Variants in FOCAD observed in about 807,000 individuals in gnomAD.
FOCAD encodes KIAA1797.
Under a neutral mutation model 225.6 loss-of-function variants are expected in FOCAD, and 198 were observed. That is an observed-to-expected ratio of 0.88 (90% CI 0.78 to 0.99). The LOEUF (loss-of-function observed/expected upper bound fraction) is 0.99. Ranked by LOEUF, FOCAD falls within the 50% of genes least tolerant of loss-of-function variation. The probability of loss-of-function intolerance (pLI) is 0.00; values close to 1 mark genes in which losing one functional copy is unlikely to be tolerated. For missense variants in FOCAD, 2,713 were observed against 2,123.6 expected, an observed-to-expected ratio of 1.28 and a Z score of -5.46; for synonymous variants, 897 against 755.0, an observed-to-expected ratio of 1.19 and a Z score of -3.08.
chr9:20,928,955 G>A (rs561931005), intron 26 of FOCAD: 162 of 153,480 alleles, frequency 1.1e-3, no homozygotes, highest in Non-Finnish European at 1.8e-3. Flanking sequence ...CATTTATAAT[G>A]TGGCTTGCTG....
Position 20,874,903 on chromosome 9 carries a change from C to G in FOCAD, c.2317+96C>G. On this transcript the variant is annotated intron_variant, in intron 19 of 43. Transcript: ENST00000338382. ...TGATAGGTACATAGTATAGTTTAAC[C>G]TTATGTGCTTATTTTTTAACCAGAA... 3 of 1,438,148 alleles carry G rather than the reference C, an allele frequency of 2.1e-6. No individual in the cohort carries two copies. In the Admixed American group the frequency reaches 5.7e-5, roughly 27 times the overall value. 89.1% of individuals were successfully genotyped at this position (1,438,148 alleles called of 1,614,324 possible).
intron 19 of FOCAD, among the ~76,000 whole-genome samples, chr9:20,879,523 C>G (rs965452761): frequency 2.0e-5 from 3 of 152,000 alleles, no homozygotes; most frequent in African/African-American, 7.3e-5. Flanking sequence ...TTTTTTATTG[C>G]TGACTGGCAT....
chr9:20,667,606 C>T (rs1313904479), intron 2 of FOCAD, among the ~76,000 whole-genome samples: 1 of 152,128 alleles, frequency 6.6e-6, no homozygotes, highest in Admixed American at 6.6e-5. Flanking sequence ...CCTGCGAGGA[C>T]AGAGAGGAAT....
At chr9:20,795,382 G>C (rs1348430392) in intron 11 of FOCAD, among the ~76,000 whole-genome samples, 1 of 152,144 alleles carries the variant, frequency 6.6e-6, no homozygotes, top group South Asian at 2.1e-4. Context: ...ATCACAGAAA[G>C]GCTCGTATTG....
chr9:20,949,568 G>C, intron 32 of FOCAD, 36 bp from the exon 33 acceptor site: 1 of 1,550,230 alleles, frequency 6.5e-7, no homozygotes, highest in Non-Finnish European at 8.9e-7. Flanking sequence ...TTTTTATGGG[G>C]GTGGGTGGGA....
chr9:20,819,267 G>GC (rs1193186181), intron 11 of FOCAD, among the ~76,000 whole-genome samples: 1 of 152,082 alleles, frequency 6.6e-6, no homozygotes, highest in Admixed American at 6.6e-5. Context: ...AGGCTGGAGT[G>GC]CAATGGTGCA....
intron 2 of FOCAD, among the ~76,000 whole-genome samples, chr9:20,665,841 G>T (rs866134443): frequency 6.6e-6 from 1 of 152,044 alleles, no homozygotes; most frequent in East Asian, 1.9e-4. Context: ...GACCAGCCTG[G>T]CCAACATGGT....
At chr9:20,798,566 T>A (rs1821403177) in intron 11 of FOCAD, among the ~76,000 whole-genome samples, 1 of 152,190 alleles carries the variant, frequency 6.6e-6, no homozygotes, top group Admixed American at 6.5e-5. Flanking sequence ...TCTTCCTGGT[T>A]TAGTCTTGGG....
At chr9:20,723,852 A>G (rs73436470) in intron 4 of FOCAD, among the ~76,000 whole-genome samples, 6,922 of 152,254 alleles carry the variant, frequency 0.045, 546 homozygotes, top group African/African-American at 0.16. Flanking sequence ...TTTGGCTTAC[A>G]GTTCTACAGG....
At chr9:20,979,348 G>C (rs995244681) in intron 37 of FOCAD, among the ~76,000 whole-genome samples, 1 of 151,968 alleles carries the variant, frequency 6.6e-6, no homozygotes, top group Admixed American at 6.6e-5. Flanking sequence ...TTTTTTTGTT[G>C]TTGTTTTTGA....
At chr9:20,682,793 G>A (rs1390729075), upstream of FOCAD, among the ~76,000 whole-genome samples, 2 of 152,154 alleles carry the variant, frequency 1.3e-5, no homozygotes, top group East Asian at 1.9e-4. Context: ...ATGATTGATT[G>A]TGACAGTCTC....
intron 15 of FOCAD, among the ~76,000 whole-genome samples, chr9:20,841,867 T>G (rs1398239571): frequency 1.3e-5 from 2 of 151,946 alleles, no homozygotes; most frequent in African/African-American, 4.8e-5. Context: ...GTTTTTCTAC[T>G]TTATTGATGT....
At chr9:20,728,020 A>G (rs770653932) in intron 4 of FOCAD, among the ~76,000 whole-genome samples, 6 of 152,252 alleles carry the variant, frequency 3.9e-5, no homozygotes, top group East Asian at 1.9e-4. Flanking sequence ...AATAATTCCC[A>G]AAGGGAATCT....
chr9:20,976,455 G>A lies in FOCAD; in HGVS notation c.4168G>A (p.Val1390Met), dbSNP rs749522212. 2 of 1,613,068 alleles carry A rather than the reference G, an allele frequency of 1.2e-6. No homozygotes were observed. Among genetic ancestry groups the A allele is most frequent in the African/African-American group, 2.7e-5 (2 of 74,852 alleles). ...TGTGCCTCCTTCCCTTCTTAAAGTA[G>A]TGATGAAACCCATAGCAACTGTTGG... is the stretch of plus-strand genomic sequence containing the variant. ...ESVPPSLLKV[V>M]MKPIATVGES... The change falls in exon 36 of 44, where the codon GTG (valine) becomes ATG (methionine). Residue 1390 changes from valine to methionine, a missense_variant. Val to Met is a conservative substitution (Grantham distance 21). Transcript: ENST00000338382.
At chr9:20,793,642 A>T (rs1016779453) in intron 11 of FOCAD, among the ~76,000 whole-genome samples, 4 of 152,162 alleles carry the variant, frequency 2.6e-5, no homozygotes, top group African/African-American at 9.6e-5. Flanking sequence ...GATGGAGTGG[A>T]GTTTGAGGAG....
At chr9:20,871,164 A>G (rs904047724) in intron 18 of FOCAD, among the ~76,000 whole-genome samples, 3 of 151,994 alleles carry the variant, frequency 2.0e-5, no homozygotes, top group African/African-American at 7.3e-5. Context: ...AGAGCATGCC[A>G]CTACACTCCA....
intron 4 of FOCAD, chr9:20,726,185 C>A (rs930263088): frequency 6.6e-6 from 1 of 152,064 alleles, no homozygotes; most frequent in Non-Finnish European, 1.5e-5. Context: ...TTGTTTTTGT[C>A]TTTACATTGA....
intron 15 of FOCAD, among the ~76,000 whole-genome samples, chr9:20,849,609 A>G (rs1930051): frequency 0.82 from 123,743 of 151,742 alleles, 50,685 homozygotes; most frequent in Admixed American, 0.88. Flanking sequence ...GGGTCCAAAG[A>G]GTTAGCATCT....
At chr9:20,846,943 T>C (rs1017404934) in intron 15 of FOCAD, among the ~76,000 whole-genome samples, 11 of 152,156 alleles carry the variant, frequency 7.2e-5, no homozygotes, top group Non-Finnish European at 1.5e-4. Flanking sequence ...GTTACAGATG[T>C]GGAGACTGAG....
Sources: allele counts gnomAD v4.1 joint callset (sites outside exome capture counted in the v4.1 genomes callset), GRCh38; gene constraint gnomAD v4.1.1; transcripts MANE v1.5; gene names NCBI Gene and HGNC (gene_info 2026-07-23, HGNC 2026-07-21).